Variants in PADI2 observed in about 807,000 individuals in gnomAD.
PADI2 encodes peptidyl arginine deiminase 2.
A neutral mutation model predicts 81.1 loss-of-function variants in PADI2; 70 were observed. The observed-to-expected ratio is 0.86, with a 90% CI of 0.71 to 1.05. The LOEUF is 1.05. Among genes scored for constraint, PADI2 ranks in the 50% least tolerant of loss-of-function variants. The pLI is 0.00. For missense variants in PADI2, 853 were observed against 889.9 expected (o/e 0.96, Z 0.53); for synonymous variants, 338 against 358.0 (o/e 0.94, Z 0.63).
At chr1:17,104,431 C>CATTTT (rs1931271322) in intron 2 of PADI2, among the ~76,000 whole-genome samples, 1 of 79,790 alleles carries the variant, frequency 1.3e-5, no homozygotes, top group Non-Finnish European at 2.2e-5. Context: ...TTTGCCTTTT[C>CATTTT]TTTTTTTTTT....
intron 6 of PADI2, among the ~76,000 whole-genome samples, chr1:17,090,080 G>A (rs1046383353): frequency 6.6e-6 from 1 of 152,206 alleles, no homozygotes; most frequent in Non-Finnish European, 1.5e-5. Flanking sequence ...GTTTTGGGCA[G>A]AATTTGAGGC....
chr1:17,102,884 G>T, intron 3 of PADI2, 103 bp downstream of exon 3: 1 of 797,340 alleles, frequency 1.3e-6, no homozygotes, highest in Admixed American at 2.0e-5. Flanking sequence ...AGCTCCAAGT[G>T]CCAGGTCAGC....
chr1:17,085,013 C>A (rs192141395), intron 7 of PADI2, among the ~76,000 whole-genome samples: 9 of 152,348 alleles, frequency 5.9e-5, no homozygotes, highest in Middle Eastern at 3.4e-3. Context: ...GTAGGCTTTA[C>A]ACCCAGGCAG....
At chr1:17,089,592 T>C (rs1930603898) in intron 6 of PADI2, among the ~76,000 whole-genome samples, 1 of 152,146 alleles carries the variant, frequency 6.6e-6, no homozygotes, top group Admixed American at 6.5e-5. Flanking sequence ...ATGTGGCCCG[T>C]GGCCTGTGAT....
chr1:17,098,580 G>T (rs1557768718), intron 3 of PADI2, among the ~76,000 whole-genome samples: 2 of 152,154 alleles, frequency 1.3e-5, no homozygotes. Flanking sequence ...CATGCTTATT[G>T]CGATTTCCTG....
At chr1:17,071,859 A>G (rs2078266850) in intron 13 of PADI2, among the ~76,000 whole-genome samples, 1 of 152,188 alleles carries the variant, frequency 6.6e-6, no homozygotes, top group African/African-American at 2.4e-5. Flanking sequence ...CAGAAGCAGC[A>G]TGGCCAAAGG....
At chr1:17,095,328 C>T (rs1170752455) in intron 4 of PADI2, among the ~76,000 whole-genome samples, 1 of 152,124 alleles carries the variant, frequency 6.6e-6, no homozygotes, top group Non-Finnish European at 1.5e-5. Context: ...CTGAGAGTCA[C>T]CAGAGCAGAA....
intron 3 of PADI2, among the ~76,000 whole-genome samples, chr1:17,100,950 G>A (rs1334140336): frequency 1.3e-5 from 2 of 152,032 alleles, no homozygotes; most frequent in Non-Finnish European, 2.9e-5. Context: ...GTGAGACACC[G>A]CGCCTGGCCA....
Position 17,104,871 on chromosome 1 carries a change from G to C in PADI2, c.276+7C>G, listed in dbSNP as rs568433909. 1 of 1,561,880 alleles carries C rather than the reference G, an allele frequency of 6.4e-7. No homozygotes were observed. Among genetic ancestry groups the C allele is most frequent in the African/African-American group, 1.3e-5 (1 of 74,144 alleles). On this transcript the variant is annotated splice_region_variant and intron_variant, in intron 2 of 15. Coordinates refer to ENST00000375486, the MANE Select transcript of PADI2 (RefSeq NM_007365.3). ...GCCCGCAGAGGCTGGACTTCCCGCC[G>C]TGGTACCTTGTCACTGCTGGCCTCG...
chr1:17,098,334 T>C lies in PADI2; in HGVS notation c.350-2364A>G, dbSNP rs57026256. ...CTCTAGGCCGTAAGGTGACATTACATTGGGACTCCTTGTGGCGAGTCCATT... is the reference window on the plus strand; with the variant it reads ...CTCTAGGCCGTAAGGTGACATTACACTGGGACTCCTTGTGGCGAGTCCATT... On this transcript the variant is annotated intron_variant, in intron 3 of 15. Transcript: ENST00000375486. Among the ~76,000 whole-genome samples the C allele has an allele frequency of 4.6e-3, 697 of 152,332 alleles. 4 individuals are homozygous for C. Among genetic ancestry groups the C allele is most frequent in the African/African-American group, 0.016 (663 of 41,588 alleles).
chr1:17,093,657 G>A lies in PADI2; in HGVS notation c.439C>T (p.Gln147Ter). 6.2e-7 allele frequency: 1 copy of A among 1,613,764 alleles called. No individual in the cohort carries two copies. Among genetic ancestry groups the A allele is most frequent in the Non-Finnish European group, 8.5e-7 (1 of 1,179,728 alleles). ...KASWTWGPEG[Q>*]GAILLVNCDR... ...CAGTTCACCAGCAGGATGGCCCCCT[G>A]GCCCTCGGGGCCCCAGGTCCAGGAT... The change falls in exon 5 of 16, where the codon CAG (glutamine) becomes TAG (stop). Residue 147 changes from glutamine to a stop codon, truncating the protein, a stop_gained. Transcript: ENST00000375486. LOFTEE classifies it high-confidence loss of function.
Position 17,104,935 on chromosome 1 carries a change from G to A in PADI2, c.219C>T (p.Pro73=), listed in dbSNP as rs920093509. 1 of 1,606,130 alleles carries A rather than the reference G, an allele frequency of 6.2e-7. No individual in the cohort carries two copies. The highest frequency in any genetic ancestry group is 1.3e-5 in the African/African-American group (1 of 74,972). ...TNGKQRWLLS[P]STTLRVTMSQ... ...TCATGGTGACCCGCAGGGTGGTGCT[G>A]GGCGAGAGAAGCCAGCGCTGCTTGC... The change falls in exon 2 of 16, where the codon CCC becomes CCT. Residue 73 remains proline (P), a synonymous_variant. Transcript: ENST00000375486.
chr1:17,098,410 G>A (rs1931022580), intron 3 of PADI2, among the ~76,000 whole-genome samples: 1 of 152,108 alleles, frequency 6.6e-6, no homozygotes, highest in Non-Finnish European at 1.5e-5. Flanking sequence ...AGTCTATACT[G>A]CTTCATTTCA....
intron 4 of PADI2, among the ~76,000 whole-genome samples, chr1:17,094,868 T>C (rs1179578613): frequency 6.6e-6 from 1 of 152,178 alleles, no homozygotes; most frequent in Admixed American, 6.5e-5. Flanking sequence ...TTCATTCTCA[T>C]ATGGCTTGGC....
intron 5 of PADI2, among the ~76,000 whole-genome samples, chr1:17,093,101 CT>C (rs1189627036): frequency 6.7e-6 from 1 of 150,182 alleles, no homozygotes; most frequent in Non-Finnish European, 1.5e-5. Context: ...TCTTCTTCTT[CT>C]TTTTTTTTCT....
At chr1:17,112,873 C>G (rs922648446) in intron 1 of PADI2, among the ~76,000 whole-genome samples, 4 of 152,224 alleles carry the variant, frequency 2.6e-5, no homozygotes, top group Non-Finnish European at 5.9e-5. Context: ...TATTCAAAGC[C>G]TGGTTAGAGC....
chr1:17,078,918 AC>A, intron 11 of PADI2: 1 of 163,564 alleles, frequency 6.1e-6, no homozygotes, highest in Non-Finnish European at 1.3e-5. Flanking sequence ...CTGGTCTCAA[AC>A]CCCTGGACTC....
At chr1:17,094,622 C>T (rs944946195) in intron 4 of PADI2, among the ~76,000 whole-genome samples, 1 of 152,174 alleles carries the variant, frequency 6.6e-6, no homozygotes, top group Non-Finnish European at 1.5e-5. Flanking sequence ...GGCTGTGTTT[C>T]TCTTGTTCTT....
chr1:17,084,597 AC>A lies in PADI2; in HGVS notation c.938+1del, dbSNP rs1333781955. 1.3e-6 allele frequency: 2 copies of A among 1,571,464 alleles called. No homozygotes were observed. Among genetic ancestry groups the A allele is most frequent in the South Asian group, 2.3e-5 (2 of 85,540 alleles). On this transcript the variant is annotated splice_donor_variant, in intron 8 of 15. Transcript: ENST00000375486. LOFTEE classifies it high-confidence loss of function. ...CCTCTCCAGGCTGGGGTCACCCCTT[AC>A]CAGCACACAAACACCGACACGGGAG...
Sources: gnomAD v4.1 joint callset for allele counts (sites outside exome capture counted in the v4.1 genomes callset) on GRCh38, gnomAD v4.1.1 for gene constraint, MANE v1.5 for transcripts, NCBI Gene and HGNC (gene_info 2026-07-23, HGNC 2026-07-21) for gene names.